CLCN3: variants seen among roughly 807,000 people sequenced by gnomAD.
CLCN3 encodes the protein Cl-/H+ antiporter 3.
In CLCN3, 16 loss-of-function variants were observed where a neutral mutation model predicts 83.4. The ratio of observed to expected loss-of-function variants is 0.19; its 90% CI spans 0.13 to 0.29. The LOEUF (loss-of-function observed/expected upper bound fraction) is 0.29. CLCN3 is among the 10% of genes least tolerant of loss of function. CLCN3 has a pLI of 1.00. For missense variants in CLCN3, 544 were observed against 1,006.0 expected, an observed-to-expected ratio of 0.54 and a Z score of 6.21; for synonymous variants, 322 against 346.2, an observed-to-expected ratio of 0.93 and a Z score of 0.78.
At chr4:169,655,534 G>A (rs1280105446) in intron 2 of CLCN3, among the ~76,000 whole-genome samples, 1 of 152,098 alleles carries the variant, frequency 6.6e-6, no homozygotes, top group Non-Finnish European at 1.5e-5. Flanking sequence ...TTGCTCTATT[G>A]CCCAGGCCAA....
At position 169,716,959 on chromosome 4, in the gene CLCN3, T is replaced by A. The variant is rs61413695; in HGVS notation, c.2367-2948T>A. Among the ~76,000 whole-genome samples, 1,183 of 152,260 alleles carry A rather than the reference T, an allele frequency of 7.8e-3. 17 individuals are homozygous for A. The highest frequency in any genetic ancestry group is 0.027 in the African/African-American group (1,107 of 41,552). On this transcript the variant is annotated intron_variant, in intron 12 of 12. Coordinates refer to ENST00000513761, the MANE Select transcript of CLCN3 (RefSeq NM_001829.4). ...TTTAAAGATTAAAGTTTTTTTAAGGTTTTTTTATTTTCACTGTTTATATTG... is the reference window on the plus strand; with the variant it reads ...TTTAAAGATTAAAGTTTTTTTAAGGATTTTTTATTTTCACTGTTTATATTG...
intron 2 of CLCN3, among the ~76,000 whole-genome samples, chr4:169,664,507 T>C (rs1223621487): frequency 6.6e-6 from 1 of 152,216 alleles, no homozygotes; most frequent in African/African-American, 2.4e-5. Flanking sequence ...TATTATATTT[T>C]TATTGGCCCT....
At chr4:169,626,752 C>T (rs548745019) in intron 1 of CLCN3, among the ~76,000 whole-genome samples, 96 of 152,222 alleles carry the variant, frequency 6.3e-4, no homozygotes, top group East Asian at 5.2e-3. Context: ...CCGATGTGGG[C>T]GGATCACTTG....
intron 9 of CLCN3, among the ~76,000 whole-genome samples, chr4:169,702,128 C>T (rs2150261067): frequency 6.6e-6 from 1 of 152,246 alleles, no homozygotes; most frequent in East Asian, 1.9e-4. Flanking sequence ...GGAAGATGGC[C>T]TTTCCCTGAT....
chr4:169,705,972 C>T (rs984676024), intron 10 of CLCN3, among the ~76,000 whole-genome samples: 1 of 150,982 alleles, frequency 6.6e-6, no homozygotes, highest in South Asian at 2.1e-4. Flanking sequence ...TTGAGACCAG[C>T]CTGGGCAACT....
At chr4:169,703,246 A>G (rs1472485831) in intron 9 of CLCN3, among the ~76,000 whole-genome samples, 4 of 152,250 alleles carry the variant, frequency 2.6e-5, no homozygotes, top group African/African-American at 7.2e-5. Context: ...AGCTTGATGC[A>G]AGGATGTCAT....
At chr4:169,648,917 C>T (rs1030936293) in intron 2 of CLCN3, among the ~76,000 whole-genome samples, 5 of 151,714 alleles carry the variant, frequency 3.3e-5, no homozygotes, top group Non-Finnish European at 7.4e-5. Flanking sequence ...ATCCCAGCTA[C>T]TCGGGAGACT....
intron 1 of CLCN3, among the ~76,000 whole-genome samples, chr4:169,631,358 C>T (rs1357040634): frequency 5.3e-5 from 8 of 152,202 alleles, no homozygotes; most frequent in African/African-American, 1.9e-4. Flanking sequence ...GCAATCTCGG[C>T]TCACTGCAAG....
chr4:169,706,138 C>T (rs897555823), intron 10 of CLCN3, among the ~76,000 whole-genome samples: 1 of 152,162 alleles, frequency 6.6e-6, no homozygotes, highest in Non-Finnish European at 1.5e-5. Context: ...AAACGAGCCT[C>T]CCACCTCAGC....
At chr4:169,629,153 A>G (rs1407660789) in intron 1 of CLCN3, among the ~76,000 whole-genome samples, 2 of 152,220 alleles carry the variant, frequency 1.3e-5, no homozygotes, top group African/African-American at 4.8e-5. Flanking sequence ...GCAACATGAG[A>G]GATACCTGTG....
At chr4:169,659,731 TA>T (rs1227828966) in intron 2 of CLCN3, among the ~76,000 whole-genome samples, 1 of 152,074 alleles carries the variant, frequency 6.6e-6, no homozygotes, top group Non-Finnish European at 1.5e-5. Context: ...ATTTTTTTTT[TA>T]TTTTTAATAG....
rs1773457922 is a variant in CLCN3, at chr4:169,634,541, A to G, written c.-16-1372A>G. ...ATACTTTCCTATTGTTTTAATTAAT[A>G]TACTCTAACAAATCTCATCTCAGTA... On this transcript the variant is annotated intron_variant, in intron 1 of 12. Transcript: ENST00000513761. Among the ~76,000 whole-genome samples, 2 of 152,238 alleles carry G rather than the reference A, an allele frequency of 1.3e-5. 1 individual carries two copies. The highest frequency in any genetic ancestry group is 4.1e-4 in the South Asian group (2 of 4,838).
intron 10 of CLCN3, 110 bp downstream of exon 10, chr4:169,704,294 G>A: frequency 1.1e-6 from 1 of 943,140 alleles, no homozygotes; most frequent in Non-Finnish European, 1.6e-6. Context: ...GAGTAAAGGA[G>A]GGTGCCAGGA....
intron 6 of CLCN3, 81 bp from the exon 7 acceptor site, chr4:169,692,033 T>A: frequency 5.1e-6 from 5 of 981,336 alleles, no homozygotes; most frequent in Non-Finnish European, 7.7e-6. Context: ...TTTTTGTGCA[T>A]AAAACAAGAA....
At position 169,713,309 on chromosome 4, in the gene CLCN3, C is replaced by T. The variant is rs750645612; in HGVS notation, c.2366+14C>T. The T allele has an allele frequency of 2.7e-5, 42 of 1,576,098 alleles. No homozygotes were observed. Among genetic ancestry groups the T allele is most frequent in the Non-Finnish European group, 1.7e-5 (20 of 1,145,816 alleles). ...AACTCACAATGGGTAAGTCTGGTAC[C>T]ACAGGAATCAGTTCACTTGCTAGAA... On this transcript the variant is annotated intron_variant, in intron 12 of 12. Transcript: ENST00000513761.
intron 7 of CLCN3, among the ~76,000 whole-genome samples, chr4:169,693,888 C>T (rs1324003607): frequency 3.3e-5 from 5 of 152,146 alleles, no homozygotes; most frequent in African/African-American, 9.7e-5. Flanking sequence ...ATATAAATGG[C>T]AAGAATTCAC....
At chr4:169,629,797 A>G (rs536743035) in intron 1 of CLCN3, among the ~76,000 whole-genome samples, 12 of 152,316 alleles carry the variant, frequency 7.9e-5, no homozygotes, top group Admixed American at 7.8e-4. Flanking sequence ...TTAATATTCA[A>G]CTGTGGTAAG....
Position 169,719,530 on chromosome 4 carries a change from C to T in CLCN3, c.2367-377C>T, listed in dbSNP as rs576301433. ...AGAGGATTTGGTCATCATTTTACTGCTCTCTTCATGTGATGGAAATCAATT... is the reference window on the plus strand; with the variant it reads ...AGAGGATTTGGTCATCATTTTACTGTTCTCTTCATGTGATGGAAATCAATT... On this transcript the variant is annotated intron_variant, in intron 12 of 12. Coordinates refer to ENST00000513761, the MANE Select transcript of CLCN3 (RefSeq NM_001829.4). Among the ~76,000 whole-genome samples, 5 of 152,300 alleles carry T rather than the reference C, an allele frequency of 3.3e-5. No individual in the cohort carries two copies. The South Asian group carries it at 1.0e-3, about 32-fold the overall frequency.
chr4:169,687,264 T>C (rs1235496197), intron 3 of CLCN3, among the ~76,000 whole-genome samples: 1 of 152,102 alleles, frequency 6.6e-6, no homozygotes, highest in Non-Finnish European at 1.5e-5. Context: ...CCCTTTGCAC[T>C]CAAATCTCAA....
Sources: allele counts gnomAD v4.1 joint callset (sites outside exome capture counted in the v4.1 genomes callset), GRCh38; gene constraint gnomAD v4.1.1; transcripts MANE v1.5; gene names NCBI Gene and HGNC (gene_info 2026-07-23, HGNC 2026-07-21).